GPHN: variants seen among roughly 807,000 people sequenced by gnomAD.
GPHN encodes the protein gephyrin.
In GPHN, 17 loss-of-function variants were observed where a neutral mutation model predicts 95.5. The ratio of observed to expected loss-of-function variants is 0.18; its 90% confidence interval spans 0.12 to 0.27. The LOEUF is 0.27. GPHN is among the 10% of genes least tolerant of loss of function. The pLI, the probability that GPHN is intolerant of heterozygous loss-of-function variation, is 1.00. For synonymous variants in GPHN, 320 were observed against 322.5 expected, an observed-to-expected ratio of 0.99 and a Z score of 0.08; for missense variants, 660 against 978.1, an observed-to-expected ratio of 0.67 and a Z score of 4.34.
chr14:67,465,509 T>A, the GPHN span, among the ~76,000 whole-genome samples: 8 of 152,258 alleles, frequency 5.3e-5, no homozygotes, highest in African/African-American at 1.9e-4. Flanking sequence ...TGGTCAGATC[T>A]GCATCTAAAC....
At chr14:67,026,602 A>G (rs184574824) in intron 10 of GPHN, among the ~76,000 whole-genome samples, 413 of 152,232 alleles carry the variant, frequency 2.7e-3, no homozygotes, top group African/African-American at 9.4e-3. Context: ...TGAAGCCAGT[A>G]TTTCAGACCT....
At chr14:67,479,297 T>A in the GPHN span, among the ~76,000 whole-genome samples, 9 of 150,902 alleles carry the variant, frequency 6.0e-5, no homozygotes, top group East Asian at 1.8e-3. Context: ...TCCCAGCTAC[T>A]CGGGAGGCTG....
intron 3 of GPHN, among the ~76,000 whole-genome samples, chr14:66,795,576 G>A (rs1383170758): frequency 6.6e-6 from 1 of 151,808 alleles, no homozygotes. Flanking sequence ...TGTTTTAGGG[G>A]TTTGGGTTTT....
At chr14:67,624,820 G>T in the GPHN span, among the ~76,000 whole-genome samples, 1 of 152,172 alleles carries the variant, frequency 6.6e-6, no homozygotes, top group East Asian at 1.9e-4. Context: ...GCAATCTGGG[G>T]AGCATTTATT....
the GPHN span, chr14:67,578,020 C>T: frequency 6.2e-7 from 1 of 1,612,688 alleles, no homozygotes; most frequent in Non-Finnish European, 8.5e-7. The surrounding 1 kb of genome is among the most constrained non-coding windows in gnomAD (Gnocchi z 5.0). Flanking sequence ...TGTTCCCTCC[C>T]AGTCCTGCCA....
At chr14:66,711,390 G>A (rs1292598227) in intron 2 of GPHN, among the ~76,000 whole-genome samples, 1 of 152,096 alleles carries the variant, frequency 6.6e-6, no homozygotes, top group Non-Finnish European at 1.5e-5. Context: ...TTTTGGCTGA[G>A]TAGTATTCCT....
At chr14:67,639,629 C>T in the GPHN span, among the ~76,000 whole-genome samples, 2 of 152,114 alleles carry the variant, frequency 1.3e-5, no homozygotes, top group African/African-American at 4.8e-5. Context: ...CATTCAAGAT[C>T]TGTACAGTAC....
the GPHN span, among the ~76,000 whole-genome samples, chr14:67,721,606 T>C: frequency 2.0e-5 from 3 of 151,958 alleles, no homozygotes; most frequent in Non-Finnish European, 4.4e-5. Flanking sequence ...TGGCCTTGAG[T>C]AAAGCAAGTG....
the GPHN span, chr14:67,196,701 T>G: frequency 6.6e-6 from 1 of 152,254 alleles, no homozygotes; most frequent in Non-Finnish European, 1.5e-5. Context: ...TTTGGCAGTT[T>G]CAGGCCAATT....
intron 17 of GPHN, among the ~76,000 whole-genome samples, chr14:67,134,520 C>T (rs1267100751): frequency 6.6e-6 from 1 of 152,156 alleles, no homozygotes; most frequent in African/African-American, 2.4e-5. Flanking sequence ...ACTATTTACT[C>T]CCAAAGCTAC....
the GPHN span, among the ~76,000 whole-genome samples, chr14:67,304,362 G>A: frequency 6.6e-6 from 1 of 152,168 alleles, no homozygotes; most frequent in Admixed American, 6.5e-5. Flanking sequence ...CATAGCAGCA[G>A]CATTCACAGT....
chr14:67,205,226 G>A, the GPHN span: 17 of 848,808 alleles, frequency 2.0e-5, no homozygotes, highest in Non-Finnish European at 3.5e-6. Flanking sequence ...AATTTTAATA[G>A]TGAGATTAAA....
the GPHN span, among the ~76,000 whole-genome samples, chr14:67,281,131 T>G: frequency 6.6e-6 from 1 of 152,064 alleles, no homozygotes; most frequent in South Asian, 2.1e-4. Flanking sequence ...ACTCCTGACC[T>G]CATGATCTGC....
the GPHN span, among the ~76,000 whole-genome samples, chr14:67,406,414 G>C: frequency 3.3e-5 from 5 of 152,240 alleles, no homozygotes; most frequent in Admixed American, 2.6e-4. Flanking sequence ...CAGTCTTCCT[G>C]GTTGTGTGGA....
chr14:67,695,227 G>A, the GPHN span, among the ~76,000 whole-genome samples: 2 of 152,212 alleles, frequency 1.3e-5, no homozygotes, highest in African/African-American at 4.8e-5. Context: ...GCGAAATGTG[G>A]AATCGCTCCT....
the GPHN span, among the ~76,000 whole-genome samples, chr14:67,267,185 G>A: frequency 1.3e-5 from 2 of 152,172 alleles, no homozygotes; most frequent in Non-Finnish European, 2.9e-5. Context: ...GTCATTTTAA[G>A]TGTATAATTT....
the GPHN span, among the ~76,000 whole-genome samples, chr14:67,413,940 G>T: frequency 6.6e-6 from 1 of 152,212 alleles, no homozygotes; most frequent in Non-Finnish European, 1.5e-5. Flanking sequence ...ACTTGCCCAA[G>T]GTTATGCAGC....
intron 3 of GPHN, among the ~76,000 whole-genome samples, chr14:66,785,626 T>C (rs1452399266): frequency 4.1e-5 from 6 of 148,028 alleles, no homozygotes; most frequent in Admixed American, 2.0e-4. Context: ...TGGAAAACCA[T>C]ATCCTGAATC....
intron 2 of GPHN, among the ~76,000 whole-genome samples, chr14:66,762,135 GT>G: frequency 8.0e-6 from 1 of 124,850 alleles, no homozygotes; most frequent in African/African-American, 4.0e-5. Flanking sequence ...CTTTTGAAAG[GT>G]TAAAAAAAAA....
Sources: gnomAD v4.1 joint callset for allele counts (sites outside exome capture counted in the v4.1 genomes callset) on GRCh38, gnomAD v4.1.1 for gene constraint, Gnocchi (gnomAD v3.1) non-coding constraint, MANE v1.5 for transcripts, NCBI Gene and HGNC (gene_info 2026-07-23, HGNC 2026-07-21) for gene names.